The following ICA1 variants were observed in gnomAD, a reference collection of about 807,000 sequenced individuals.
ICA1 encodes 69 kDa islet cell autoantigen.
In ICA1, 40 loss-of-function variants were observed where a neutral mutation model predicts 71.0. The ratio of observed to expected loss-of-function variants is 0.56; its 90% CI spans 0.44 to 0.73. ICA1 has a LOEUF of 0.73. Among genes scored for constraint, ICA1 ranks in the 30% least tolerant of loss-of-function variants. ICA1 has a pLI of 0.00. For missense variants in ICA1, 578 were observed against 576.5 expected (o/e 1.00, Z -0.03); for synonymous variants, 207 against 209.5 (o/e 0.99, Z 0.10).
chr7:8,232,235 T>TTTAAATTTTAA (rs1800481255), intron 3 of ICA1, among the ~76,000 whole-genome samples: 1 of 152,224 alleles, frequency 6.6e-6, no homozygotes, highest in Non-Finnish European at 1.5e-5. Flanking sequence ...CCTGAGTTCT[T>TTTAAATTTTAA]CTTTTAAAAA....
chr7:8,224,465 AC>A (rs1249392043), intron 4 of ICA1, among the ~76,000 whole-genome samples: 12 of 152,280 alleles, frequency 7.9e-5, no homozygotes, highest in African/African-American at 2.9e-4. Context: ...CATGTATTAA[AC>A]CTTTTAGTTT....
At chr7:8,120,282 A>C (rs1786389563) in intron 13 of ICA1, among the ~76,000 whole-genome samples, 1 of 152,236 alleles carries the variant, frequency 6.6e-6, no homozygotes, top group African/African-American at 2.4e-5. Context: ...GCGCATGAAG[A>C]GATAAAATAG....
chr7:8,262,245 T>C (rs1475761932), upstream of ICA1: 1 of 151,812 alleles, frequency 6.6e-6, no homozygotes, highest in Non-Finnish European at 1.5e-5. Context: ...CCAGCCGGAA[T>C]AGCAACCGGC....
At chr7:8,167,583 A>G (rs993949069) in intron 6 of ICA1, among the ~76,000 whole-genome samples, 2 of 152,156 alleles carry the variant, frequency 1.3e-5, no homozygotes, top group African/African-American at 4.8e-5. Flanking sequence ...CCGGCATGTA[A>G]TTTACCTAAA....
At chr7:8,219,773 G>A (rs960850526) in intron 5 of ICA1, among the ~76,000 whole-genome samples, 1 of 152,218 alleles carries the variant, frequency 6.6e-6, no homozygotes, top group Admixed American at 6.5e-5. Flanking sequence ...GAAGGTTTGT[G>A]TAACTGATGA....
rs1003061479 is a variant in ICA1, at chr7:8,135,412, TA to T, written c.1060+3427del. The stretch of plus-strand genomic sequence containing the variant: ...TGATCAGCTAAGAACAGTATTTGGT[TA>T]AAAAAAAAAATGTACCAAAGCCAGC... On this transcript the variant is annotated intron_variant, in intron 12 of 13. Coordinates refer to ENST00000402384, the MANE Select transcript of ICA1 (RefSeq NM_001136020.3). Among the ~76,000 whole-genome samples the T allele has an allele frequency of 6.7e-3, 993 of 147,264 alleles. 3 individuals carry two copies. The highest frequency in any genetic ancestry group is 8.0e-3 in the Non-Finnish European group (533 of 66,394).
At position 8,182,702 on chromosome 7, in the gene ICA1, C is replaced by T. The variant is rs182304306; in HGVS notation, c.580-24050G>A. 4.2e-4 allele frequency among the ~76,000 whole-genome samples: 63 copies of T among 151,318 alleles called. 1 individual carries two copies. The highest frequency in any genetic ancestry group is 4.1e-3 in the Admixed American group (63 of 15,230). On this transcript the variant is annotated intron_variant, in intron 6 of 13. Transcript: ENST00000402384. ...TTCAGAATGACCAGCAGATCTAACA[C>T]TCAGGATTTATTCTATTTTTAAAAA...
Position 8,113,666 on chromosome 7 carries a change from G to A in ICA1, c.*257C>T, listed in dbSNP as rs142059135. On this transcript the variant is annotated 3_prime_UTR_variant, in exon 14 of 14. Coordinates refer to ENST00000402384, the MANE Select transcript of ICA1 (RefSeq NM_001136020.3). This position sits in a 1 kb window ranked among gnomAD's most constrained non-coding sequence, Gnocchi z 4.2. ...GACACCGCAGCAGCCATGATGGGAT[G>A]TAGGCAGGAGAGCGGTGGCCTGGAA... 5.9e-6 allele frequency: 2 copies of A among 341,014 alleles called. No homozygotes were observed. The highest frequency in any genetic ancestry group is 4.2e-5 in the African/African-American group (2 of 47,886). The allele number at this position is 341,014 out of a possible 1,614,324, so 21.1% of individuals were successfully genotyped here. A position where few individuals can be genotyped will look rare whatever the true frequency, so the allele number is the denominator to read the frequency against.
At chr7:8,162,913 G>A (rs1360164182) in intron 6 of ICA1, among the ~76,000 whole-genome samples, 3 of 152,246 alleles carry the variant, frequency 2.0e-5, no homozygotes, top group Non-Finnish European at 2.9e-5. Flanking sequence ...ACAGGCTTGC[G>A]CCACCACGCC....
intron 4 of ICA1, among the ~76,000 whole-genome samples, chr7:8,225,145 C>A (rs1408870774): frequency 6.6e-6 from 1 of 152,152 alleles, no homozygotes; most frequent in African/African-American, 2.4e-5. Context: ...CTCACTAATT[C>A]TAACACTCTT....
At chr7:8,251,652 C>T (rs556285006) in intron 1 of ICA1, among the ~76,000 whole-genome samples, 63 of 151,904 alleles carry the variant, frequency 4.1e-4, no homozygotes, top group Admixed American at 1.2e-3. Flanking sequence ...GGGAATGAAA[C>T]ATTCATCAGC....
In ICA1 at chr7:8,221,527, C is replaced by A. The variant is rs758531052; in HGVS notation, c.257-129G>T. 133 of 1,032,828 alleles carry A rather than the reference C, an allele frequency of 1.3e-4. No homozygotes were observed. Among genetic ancestry groups the A allele is most frequent in the Non-Finnish European group, 1.8e-4 (130 of 706,616 alleles). 64.0% of individuals were successfully genotyped at this position (1,032,828 alleles called of 1,614,324 possible). ...ACGAGATGAAATTAAATCTAAGCGG[C>A]AGGCTACAGGGTAAGCTCCCCCTAC... On this transcript the variant is annotated intron_variant, in intron 4 of 13. Coordinates refer to ENST00000402384, the MANE Select transcript of ICA1 (RefSeq NM_001136020.3).
intron 1 of ICA1, among the ~76,000 whole-genome samples, chr7:8,243,434 T>C (rs903940570): frequency 3.9e-5 from 6 of 152,182 alleles, no homozygotes; most frequent in African/African-American, 1.4e-4. Context: ...ATAAGAGCTA[T>C]TTATGACAAA....
In ICA1 at chr7:8,195,977, CACAACA is replaced by C. The variant is rs202049966; in HGVS notation, c.579+22322_579+22327del. ...TGGGCAACAGAGTGAGGCTCCGTCT[CACAACA>C]ACAACAACAACAACAACACCAACAC... On this transcript the variant is annotated intron_variant, in intron 6 of 13. Coordinates refer to ENST00000402384, the MANE Select transcript of ICA1 (RefSeq NM_001136020.3). Among the ~76,000 whole-genome samples, 13 of 129,328 alleles carry C rather than the reference CACAACA, an allele frequency of 1.0e-4. No individual in the cohort carries two copies. The East Asian group carries it at 2.3e-3, about 23-fold the overall frequency. 84.8% of individuals were successfully genotyped at this position (129,328 alleles called of 152,430 possible).
At chr7:8,243,466 A>C (rs1804754093) in intron 1 of ICA1, among the ~76,000 whole-genome samples, 1 of 152,210 alleles carries the variant, frequency 6.6e-6, no homozygotes, top group South Asian at 2.1e-4. Context: ...TATCATACTG[A>C]AAGGGCAAAA....
At chr7:8,252,138 A>T (rs1808412051) in intron 1 of ICA1, among the ~76,000 whole-genome samples, 5 of 152,208 alleles carry the variant, frequency 3.3e-5, no homozygotes, top group Admixed American at 3.3e-4. Context: ...TTCACCTTTG[A>T]TTTTATTTAG....
rs1167432438 is a variant in ICA1, at chr7:8,123,026, T to C, written c.1330+4847A>G. On this transcript the variant is annotated intron_variant, in intron 13 of 13. Coordinates refer to ENST00000402384, the MANE Select transcript of ICA1 (RefSeq NM_001136020.3). This position sits in a 1 kb window ranked among gnomAD's most constrained non-coding sequence, Gnocchi z 4.1. ...CTCAGGTGGCCTCTCTGGCTGGCTC[T>C]CCTCCTACTCACACAAAGTGGCCTT... 6.6e-6 allele frequency among the ~76,000 whole-genome samples: 1 copy of C among 152,188 alleles called. No homozygotes were observed. Among genetic ancestry groups the C allele is most frequent in the Non-Finnish European group, 1.5e-5 (1 of 68,028 alleles).
intron 1 of ICA1, among the ~76,000 whole-genome samples, chr7:8,257,079 G>A (rs1198133713): frequency 6.6e-6 from 1 of 152,154 alleles, no homozygotes; most frequent in Non-Finnish European, 1.5e-5. Flanking sequence ...TGATTAATGG[G>A]GCTGTTTCAA....
intron 6 of ICA1, among the ~76,000 whole-genome samples, chr7:8,211,865 T>C (rs531761095): frequency 6.1e-4 from 93 of 152,308 alleles, no homozygotes; most frequent in Non-Finnish European, 1.1e-3. Context: ...AACTCTGCCA[T>C]GGTATTGTGA....
Sources: gnomAD v4.1 joint callset for allele counts (sites outside exome capture counted in the v4.1 genomes callset) on GRCh38, gnomAD v4.1.1 for gene constraint, Gnocchi (gnomAD v3.1) non-coding constraint, MANE v1.5 for transcripts, NCBI Gene and HGNC (gene_info 2026-07-23, HGNC 2026-07-21) for gene names.